Variants in DLGAP1 observed in about 807,000 individuals in gnomAD.
The protein encoded by DLGAP1 is DLG associated protein 1, also known as disks large-associated protein 1.
Under a neutral mutation model 90.8 loss-of-function variants are expected in DLGAP1, and 11 were observed. The ratio of observed to expected loss-of-function variants is 0.12; its 90% CI spans 0.08 to 0.20. The LOEUF (loss-of-function observed/expected upper bound fraction) is 0.20. Ranked by LOEUF, DLGAP1 falls within the 10% of genes least tolerant of loss-of-function variation. The pLI, the probability that DLGAP1 is intolerant of heterozygous loss-of-function variation, is 1.00. For missense variants in DLGAP1, 1,050 were observed against 1,333.8 expected (o/e 0.79, Z 3.31); for synonymous variants, 558 against 540.7 (o/e 1.03, Z -0.44).
intron 1 of DLGAP1, among the ~76,000 whole-genome samples, chr18:4,389,622 T>C (rs2082300994): frequency 1.3e-5 from 2 of 152,230 alleles, no homozygotes; most frequent in African/African-American, 2.4e-5. Flanking sequence ...ATGATTTTTA[T>C]TTTCTTCTTT....
chr18:4,028,316 A>C (rs1318610259), intron 2 of DLGAP1, among the ~76,000 whole-genome samples: 1 of 152,100 alleles, frequency 6.6e-6, no homozygotes, highest in East Asian at 1.9e-4. Flanking sequence ...ACAAAAACAC[A>C]TAATAGACCA....
chr18:3,588,257 C>T (rs1053816999), intron 7 of DLGAP1, among the ~76,000 whole-genome samples: 1 of 152,172 alleles, frequency 6.6e-6, no homozygotes, highest in Non-Finnish European at 1.5e-5. Flanking sequence ...GTTGGGAGTT[C>T]GAGACCAGCC....
At chr18:3,528,494 G>A (rs603464) in intron 10 of DLGAP1, among the ~76,000 whole-genome samples, 114,966 of 152,148 alleles carry the variant, frequency 0.76, 43,555 homozygotes, top group South Asian at 0.85. Flanking sequence ...GCCAGGCAAC[G>A]CAAAGTATCA....
chr18:3,548,150 T>C lies in DLGAP1; in HGVS notation c.2058-13535A>G, dbSNP rs543910090. On this transcript the variant is annotated intron_variant, in intron 9 of 12. Coordinates refer to ENST00000315677, the MANE Select transcript of DLGAP1 (RefSeq NM_004746.4). ...AGATTTCTGTTGGTGATGATCAAAA[T>C]ATTTTGGAACTAAGTCGTGATGATG... 3.8e-4 allele frequency among the ~76,000 whole-genome samples: 58 copies of C among 152,298 alleles called. No individual in the cohort carries two copies. In the South Asian group the frequency reaches 7.9e-3, roughly 21 times the overall value.
chr18:3,656,127 A>G (rs1330163177), intron 7 of DLGAP1: 8 of 1,546,228 alleles, frequency 5.2e-6, no homozygotes. Flanking sequence ...GAATAAAAAC[A>G]AAAAGTGGCA....
At chr18:4,082,510 C>CAAAAAAAAAAAAAAAAAAAAAAAAA (rs59735494) in intron 2 of DLGAP1, among the ~76,000 whole-genome samples, 23 of 52,094 alleles carry the variant, frequency 4.4e-4, no homozygotes, top group African/African-American at 1.6e-3. Flanking sequence ...GACTTTGTCT[C>CAAAAAAAAAAAAAAAAAAAAAAAAA]AAAAAAAAAA....
intron 7 of DLGAP1, among the ~76,000 whole-genome samples, chr18:3,609,894 C>G (rs1012281613): frequency 9.3e-5 from 14 of 150,656 alleles, no homozygotes; most frequent in Non-Finnish European, 1.8e-4. Flanking sequence ...CCTGTCTCTA[C>G]TAAAAATACA....
intron 5 of DLGAP1, among the ~76,000 whole-genome samples, chr18:3,811,297 T>A (rs916874262): frequency 2.0e-5 from 3 of 152,162 alleles, no homozygotes; most frequent in Non-Finnish European, 4.4e-5. Context: ...GTTTGAATGG[T>A]TGTCTAAGGT....
chr18:4,199,129 C>T (rs761148369), intron 1 of DLGAP1, among the ~76,000 whole-genome samples: 3 of 152,168 alleles, frequency 2.0e-5, no homozygotes, highest in Non-Finnish European at 4.4e-5. Context: ...TGGAAAAGAG[C>T]GGAACATCAG....
intron 1 of DLGAP1, among the ~76,000 whole-genome samples, chr18:4,313,054 C>T (rs2080441221): frequency 6.6e-6 from 1 of 152,144 alleles, no homozygotes. Context: ...TTTTCCTCTC[C>T]TAAAAAATTA....
intron 2 of DLGAP1, among the ~76,000 whole-genome samples, chr18:4,059,713 A>AAAAT (rs61167816): frequency 0.33 from 49,336 of 150,370 alleles, 8,552 homozygotes; most frequent in African/African-American, 0.44. Context: ...CTCCATCTCA[A>AAAAT]AAATAAATAA....
chr18:3,971,451 CATA>C (rs1230912342), intron 3 of DLGAP1, among the ~76,000 whole-genome samples: 1 of 151,068 alleles, frequency 6.6e-6, no homozygotes, highest in African/African-American at 2.5e-5. Flanking sequence ...ATATATATGA[CATA>C]ATATCACATA....
intron 3 of DLGAP1, among the ~76,000 whole-genome samples, chr18:3,965,808 C>A (rs986734111): frequency 6.6e-6 from 1 of 151,638 alleles, no homozygotes; most frequent in Non-Finnish European, 1.5e-5. Flanking sequence ...ATTATCCAGG[C>A]GTGATGGCAT....
At chr18:4,330,370 T>C (rs598610) in intron 1 of DLGAP1, among the ~76,000 whole-genome samples, 50,905 of 151,472 alleles carry the variant, frequency 0.34, 8,874 homozygotes, top group African/African-American at 0.38. Flanking sequence ...AATTACGTCC[T>C]TGACTTATAC....
chr18:4,351,190 T>C (rs2081395445), intron 1 of DLGAP1, among the ~76,000 whole-genome samples: 1 of 152,170 alleles, frequency 6.6e-6, no homozygotes, highest in African/African-American at 2.4e-5. Flanking sequence ...CATAATCCTT[T>C]CTTCAACCAA....
At chr18:3,659,468 G>T (rs2059613218) in intron 7 of DLGAP1, among the ~76,000 whole-genome samples, 2 of 97,366 alleles carry the variant, frequency 2.1e-5, no homozygotes, top group African/African-American at 1.3e-4. Context: ...CCCACCCCCG[G>T]TTTCTTTTTC....
rs1387870935 is a variant in DLGAP1, at chr18:3,775,087, G to T, written c.1173-32575C>A. Among the ~76,000 whole-genome samples, 2 of 152,108 alleles carry T rather than the reference G, an allele frequency of 1.3e-5. No individual in the cohort carries two copies. The highest frequency in any genetic ancestry group is 2.9e-5 in the Non-Finnish European group (2 of 68,028). On this transcript the variant is annotated intron_variant, in intron 5 of 12. Coordinates refer to ENST00000315677, the MANE Select transcript of DLGAP1 (RefSeq NM_004746.4). This position sits in a 1 kb window ranked among gnomAD's most constrained non-coding sequence, Gnocchi z 4.9. ...TGCAGGCCCCACAGGCTTTGTCCCA[G>T]GTCACTGTGTGTTCTTTAAGCCCAT...
At chr18:4,128,244 G>A (rs2076260386) in intron 2 of DLGAP1, among the ~76,000 whole-genome samples, 1 of 152,012 alleles carries the variant, frequency 6.6e-6, no homozygotes, top group Non-Finnish European at 1.5e-5. Flanking sequence ...AAACAATACA[G>A]TATAACAATT....
At position 3,742,397 on chromosome 18, in the gene DLGAP1, T is replaced by C. The variant is rs1357380295; in HGVS notation, c.1288A>G (p.Thr430Ala). 1 of 1,614,184 alleles carries C rather than the reference T, an allele frequency of 6.2e-7. No individual in the cohort carries two copies. Among genetic ancestry groups the C allele is most frequent in the Admixed American group, 1.7e-5 (1 of 60,024 alleles). Residue 430 changes from threonine to alanine, a missense_variant, in exon 6 of 13, where the codon ACA becomes GCA. Thr to Ala is a moderately conservative substitution (Grantham distance 58). Transcript: ENST00000315677. Reference protein sequence around the residue: ...LDSLDPAGLLTSPKFRSRNES... With the variant: ...LDSLDPAGLLASPKFRSRNES... ...TTCCTGGAGCGGAACTTTGGTGATG[T>C]GAGCAAGCCTGCAGGGTCCAGGCTG... is the stretch of plus-strand genomic sequence containing the variant.
Sources: gnomAD v4.1 joint callset for allele counts (sites outside exome capture counted in the v4.1 genomes callset) on GRCh38, gnomAD v4.1.1 for gene constraint, Gnocchi (gnomAD v3.1) non-coding constraint, MANE v1.5 for transcripts, NCBI Gene and HGNC (gene_info 2026-07-23, HGNC 2026-07-21) for gene names.